Variants in THSD7B observed in about 807,000 individuals in gnomAD.
THSD7B encodes the protein thrombospondin type-1 domain-containing protein 7B.
A neutral mutation model predicts 213.6 loss-of-function variants in THSD7B; 138 were observed. The ratio of observed to expected loss-of-function variants is 0.65; its 90% CI spans 0.56 to 0.74. The LOEUF (loss-of-function observed/expected upper bound fraction) is 0.74. Ranked by LOEUF, THSD7B falls within the 30% of genes least tolerant of loss-of-function variation. The probability of loss-of-function intolerance (pLI) is 0.00; values close to 1 mark genes in which losing one functional copy is unlikely to be tolerated. For synonymous variants in THSD7B, 742 were observed against 687.0 expected (o/e 1.08, Z -1.25); for missense variants, 1,931 against 1,991.5 (o/e 0.97, Z 0.58).
At chr2:137,204,753 A>G (rs1445021350) in intron 7 of THSD7B, among the ~76,000 whole-genome samples, 1 of 152,106 alleles carries the variant, frequency 6.6e-6, no homozygotes, top group Non-Finnish European at 1.5e-5. Context: ...AACTATCTTA[A>G]GAAGTTATAC....
At chr2:137,484,245 C>A (rs924087201) in intron 15 of THSD7B, among the ~76,000 whole-genome samples, 2 of 149,796 alleles carry the variant, frequency 1.3e-5, no homozygotes, top group African/African-American at 4.9e-5. Flanking sequence ...TGTTCAATTC[C>A]CAACTATGAG....
intron 21 of THSD7B, among the ~76,000 whole-genome samples, chr2:137,645,336 C>T (rs1429611813): frequency 6.6e-6 from 1 of 152,150 alleles, no homozygotes; most frequent in Admixed American, 6.5e-5. Context: ...TATACAAAAC[C>T]TCTATTAATG....
At chr2:137,624,007 G>C (rs1156800397) in intron 20 of THSD7B, among the ~76,000 whole-genome samples, 1 of 152,180 alleles carries the variant, frequency 6.6e-6, no homozygotes, top group East Asian at 1.9e-4. Context: ...CCAAAAAAGA[G>C]CCCACATTGC....
intron 2 of THSD7B, among the ~76,000 whole-genome samples, chr2:136,916,176 A>G (rs149314478): frequency 1.3e-3 from 194 of 152,320 alleles, no homozygotes; most frequent in Non-Finnish European, 2.3e-3. Context: ...CACACAAAAA[A>G]TGCTGAAAGT....
At chr2:137,493,992 T>A (rs925809576) in intron 15 of THSD7B, among the ~76,000 whole-genome samples, 4 of 152,218 alleles carry the variant, frequency 2.6e-5, no homozygotes, top group Non-Finnish European at 5.9e-5. Flanking sequence ...CATTTTTGAA[T>A]GTAAAATTTT....
intron 17 of THSD7B, among the ~76,000 whole-genome samples, chr2:137,598,417 AC>A (rs1489437583): frequency 6.6e-6 from 1 of 152,198 alleles, no homozygotes; most frequent in Non-Finnish European, 1.5e-5. Context: ...AGCATTTAGG[AC>A]CCAGTGTACA....
At chr2:137,117,490 G>C (rs1308960216) in intron 5 of THSD7B, among the ~76,000 whole-genome samples, 1 of 152,096 alleles carries the variant, frequency 6.6e-6, no homozygotes, top group Non-Finnish European at 1.5e-5. Context: ...TGTTATGTTA[G>C]ATATTCATAC....
intron 15 of THSD7B, among the ~76,000 whole-genome samples, chr2:137,562,991 T>C (rs16839112): frequency 0.023 from 3,497 of 152,224 alleles, 123 homozygotes; most frequent in African/African-American, 0.079. Flanking sequence ...TGTTCTCTTC[T>C]GTGAAAGCAT....
chr2:137,478,743 A>G (rs1307445420), intron 15 of THSD7B, among the ~76,000 whole-genome samples: 1 of 152,106 alleles, frequency 6.6e-6, no homozygotes, highest in Non-Finnish European at 1.5e-5. Flanking sequence ...CTAAAGTTGT[A>G]TCTATGGTGT....
At chr2:137,235,997 T>C (rs1183794644) in intron 9 of THSD7B, among the ~76,000 whole-genome samples, 3 of 152,212 alleles carry the variant, frequency 2.0e-5, no homozygotes, top group Non-Finnish European at 4.4e-5. Flanking sequence ...GTTAATGAGA[T>C]TAATTGAGCT....
intron 1 of THSD7B, among the ~76,000 whole-genome samples, chr2:136,844,864 A>T (rs1166726752): frequency 3.3e-5 from 5 of 152,218 alleles, no homozygotes; most frequent in African/African-American, 9.6e-5. Context: ...TATAGCTCTT[A>T]ATAAGCAATA....
intron 24 of THSD7B, 23 bp downstream of exon 24, chr2:137,657,183 T>G: frequency 6.2e-7 from 1 of 1,609,758 alleles, no homozygotes; most frequent in Non-Finnish European, 8.5e-7. Context: ...AAGACTCATG[T>G]GGGCACTTCA....
chr2:137,035,201 A>T (rs1686753330), intron 2 of THSD7B, among the ~76,000 whole-genome samples: 1 of 152,114 alleles, frequency 6.6e-6, no homozygotes, highest in Non-Finnish European at 1.5e-5. Flanking sequence ...CATCTTTGTT[A>T]TCTTTGCTGT....
At chr2:137,128,291 T>C (rs1309545438) in intron 5 of THSD7B, among the ~76,000 whole-genome samples, 1 of 152,220 alleles carries the variant, frequency 6.6e-6, no homozygotes, top group Non-Finnish European at 1.5e-5. Flanking sequence ...TATTAATCTA[T>C]TTCTACATTA....
intron 5 of THSD7B, among the ~76,000 whole-genome samples, chr2:137,156,747 C>T (rs1330403632): frequency 6.6e-6 from 1 of 152,126 alleles, no homozygotes; most frequent in Non-Finnish European, 1.5e-5. Context: ...AACCATAAGC[C>T]CTTCCCGCAC....
rs529734411 is a variant in THSD7B, at chr2:137,612,461, G to T, written c.3424-3714G>T. Among the ~76,000 whole-genome samples the T allele has an allele frequency of 3.9e-5, 6 of 152,276 alleles. No individual in the cohort carries two copies. The South Asian group carries it at 1.2e-3, about 32-fold the overall frequency. ...GGGATTTAGCATCAGGAGTGGAAGT[G>T]TCACATAAGACCTCCCATTTATTTG... On this transcript the variant is annotated intron_variant, in intron 17 of 27. Coordinates refer to ENST00000409968, the MANE Select transcript of THSD7B (RefSeq NM_001316349.2).
At chr2:137,353,027 T>G (rs920846511) in intron 12 of THSD7B, among the ~76,000 whole-genome samples, 2 of 151,898 alleles carry the variant, frequency 1.3e-5, no homozygotes, top group Admixed American at 1.3e-4. Flanking sequence ...ATAGTAGAAA[T>G]GTAGAGTTAG....
At chr2:137,089,014 T>C (rs966632609) in intron 3 of THSD7B, among the ~76,000 whole-genome samples, 7 of 152,136 alleles carry the variant, frequency 4.6e-5, no homozygotes, top group African/African-American at 1.2e-4. Flanking sequence ...ACTTCCGCCC[T>C]GTTGGTGGAA....
intron 2 of THSD7B, among the ~76,000 whole-genome samples, chr2:136,990,401 G>A (rs1394234661): frequency 6.6e-6 from 1 of 152,208 alleles, no homozygotes; most frequent in African/African-American, 2.4e-5. Context: ...AGATGCCTGA[G>A]CAAGAGTGGC....
Sources: allele counts gnomAD v4.1 joint callset (sites outside exome capture counted in the v4.1 genomes callset), GRCh38; gene constraint gnomAD v4.1.1; transcripts MANE v1.5; gene names NCBI Gene and HGNC (gene_info 2026-07-23, HGNC 2026-07-21).